CELF1: variants seen among roughly 807,000 people sequenced by gnomAD.
CELF1 encodes CUGBP Elav-like family member 1, also known as 50 kDa nuclear polyadenylated RNA-binding protein.
CELF1 carries 10 observed loss-of-function variants against 61.8 expected under a neutral mutation model. The observed-to-expected ratio is 0.16, with a 90% confidence interval of 0.10 to 0.27. The LOEUF (loss-of-function observed/expected upper bound fraction) is 0.27, where lower values mean the gene tolerates loss of function less well. Ranked by LOEUF, CELF1 falls within the 10% of genes least tolerant of loss-of-function variation. CELF1 has a pLI of 1.00. For synonymous variants in CELF1, 236 were observed against 225.1 expected (o/e 1.05, Z -0.43); for missense variants, 380 against 639.1 (o/e 0.59, Z 4.37).
rs1050603359 is a variant in CELF1, at chr11:47,482,211, T to A, written c.768+484A>T. ...GTGAGTGAGACTCCGTCTCAAAAAA[T>A]AAATAAATAAATAAATAAATAAAGC... On this transcript the variant is annotated intron_variant, in intron 9 of 14. Transcript: ENST00000687097. 6.6e-5 allele frequency among the ~76,000 whole-genome samples: 10 copies of A among 150,666 alleles called. No homozygotes were observed. In the East Asian group the frequency reaches 1.7e-3, roughly 26 times the overall value.
intron 1 of CELF1, among the ~76,000 whole-genome samples, chr11:47,532,994 TAC>T (rs2096527141): frequency 6.6e-6 from 1 of 152,174 alleles, no homozygotes; most frequent in African/African-American, 2.4e-5. Context: ...CAGTGACAGT[TAC>T]ACAGTGACAA....
chr11:47,526,262 G>T (rs12289002), intron 1 of CELF1, among the ~76,000 whole-genome samples: 1 of 152,122 alleles, frequency 6.6e-6, no homozygotes, highest in Non-Finnish European at 1.5e-5. Flanking sequence ...GGAGGTTGCC[G>T]TGAGCCAAGA....
At chr11:47,504,156 C>G (rs1423498604) in intron 1 of CELF1, among the ~76,000 whole-genome samples, 1 of 150,806 alleles carries the variant, frequency 6.6e-6, no homozygotes, top group Admixed American at 6.6e-5. Flanking sequence ...GCCTGGGCAA[C>G]AGAATAAGAC....
At position 47,466,712 on chromosome 11, in the gene CELF1, T is replaced by G. The variant is rs1174539036; in HGVS notation, c.*5518A>C. On this transcript the variant is annotated 3_prime_UTR_variant, in exon 15 of 15. Transcript: ENST00000687097. ...GGAAAAGGAAACAACGTCCAACATT[T>G]GGCATTTGGTTTTATCCACAGGTTT... The G allele has an allele frequency of 2.0e-5, 3 of 152,248 alleles. No individual in the cohort carries two copies. Among genetic ancestry groups the G allele is most frequent in the Non-Finnish European group, 2.9e-5 (2 of 68,042 alleles). 9.4% of individuals were successfully genotyped at this position (152,248 alleles called of 1,614,324 possible).
At chr11:47,505,308 CA>C (rs2094389074) in intron 1 of CELF1, among the ~76,000 whole-genome samples, 1 of 151,220 alleles carries the variant, frequency 6.6e-6, no homozygotes, top group African/African-American at 2.4e-5. Flanking sequence ...TGTAAGTTTA[CA>C]CTTTATTTAA....
Position 47,482,870 on chromosome 11 carries a change from A to G in CELF1, c.607-14T>C, listed in dbSNP as rs774834802. On this transcript the variant is annotated splice_polypyrimidine_tract_variant and intron_variant, in intron 8 of 14. Transcript: ENST00000687097. Reference sequence around the variant, plus strand: ...TGATGAGCAACCCTGTGAAAAGACCATAACGAAAGGGTCAAATTCCTCCAT... The same window carrying G: ...TGATGAGCAACCCTGTGAAAAGACCGTAACGAAAGGGTCAAATTCCTCCAT... The G allele has an allele frequency of 2.2e-5, 36 of 1,606,142 alleles. No homozygotes were observed. Among genetic ancestry groups the G allele is most frequent in the Admixed American group, 3.4e-5 (2 of 58,544 alleles).
rs569742903 is a variant in CELF1, at chr11:47,508,514, G to A, written c.-153-7582C>T. 1.9e-4 allele frequency among the ~76,000 whole-genome samples: 28 copies of A among 150,702 alleles called. No individual in the cohort carries two copies. In the Middle Eastern group the frequency reaches 0.017, roughly 92 times the overall value. On this transcript the variant is annotated intron_variant, in intron 1 of 14. Transcript: ENST00000687097. ...CTGGAGAACATAGCAGCCCTCAGGG[G>A]GCTAGGAACATTTTAACTGCCAGGC...
upstream of CELF1, among the ~76,000 whole-genome samples, chr11:47,555,232 A>G (rs370094296): frequency 6.6e-6 from 1 of 152,364 alleles, no homozygotes; most frequent in East Asian, 1.9e-4. Context: ...AAATAAGGAA[A>G]GGCACCATGC....
At chr11:47,540,564 G>A (rs1365805399) in intron 1 of CELF1, among the ~76,000 whole-genome samples, 1 of 152,104 alleles carries the variant, frequency 6.6e-6, no homozygotes, top group African/African-American at 2.4e-5. Context: ...CGGCCCCCAC[G>A]AGACTCTTGC....
In CELF1 at chr11:47,478,893, G is replaced by C. The variant is rs777659347; in HGVS notation, c.828C>G (p.Ser276Arg). 1 of 1,612,812 alleles carries C rather than the reference G, an allele frequency of 6.2e-7. No homozygotes were observed. The highest frequency in any genetic ancestry group is 8.5e-7 in the Non-Finnish European group (1 of 1,179,452). The change falls in exon 10 of 15, where the codon AGC (serine) becomes AGG (arginine). Residue 276 changes from serine (S) to arginine (R), a missense_variant. Physicochemically the swap from Ser to Arg is moderately radical, Grantham distance 110. Coordinates refer to ENST00000687097, the MANE Select transcript of CELF1 (RefSeq NM_001376376.1). ...ASSGNLNTLSSLHPMGGLNAM... is the reference protein window; with the variant it reads ...ASSGNLNTLSRLHPMGGLNAM... ...AACACTTACCTCCCATTGGGTGGAG[G>C]CTGCTCAGGGTGTTGAGGTTCCCAG...
At chr11:47,549,819 T>C (rs1353954897) in intron 1 of CELF1, among the ~76,000 whole-genome samples, 2 of 134,070 alleles carry the variant, frequency 1.5e-5, no homozygotes, top group East Asian at 4.4e-4. Context: ...GGGTTTTTTT[T>C]GTTTTTTTTT....
chr11:47,473,005 T>C (rs753576920), intron 14 of CELF1, 83 bp downstream of exon 14: 2 of 1,484,220 alleles, frequency 1.3e-6, no homozygotes, highest in Non-Finnish European at 1.8e-6. Flanking sequence ...CAAACTCATA[T>C]TCAGATCTTT....
chr11:47,555,342 C>T (rs2097202782), upstream of CELF1, among the ~76,000 whole-genome samples: 2 of 147,854 alleles, frequency 1.4e-5, no homozygotes, highest in Admixed American at 7.0e-5. Flanking sequence ...TGTTATTCTC[C>T]TAATATCTCC....
intron 1 of CELF1, among the ~76,000 whole-genome samples, chr11:47,547,075 AAAAAAAAAAAAAAAAAAAG>A (rs1266264190): frequency 7.0e-6 from 1 of 143,526 alleles, no homozygotes; most frequent in Non-Finnish European, 1.5e-5. Context: ...CAAAAAAAAA[AAAAAAAAAAAAAAAAAAAG>A]AAAGAAAGAA....
At chr11:47,490,183 G>A (rs148075739) in intron 3 of CELF1, among the ~76,000 whole-genome samples, 2,128 of 151,294 alleles carry the variant, frequency 0.014, 48 homozygotes, top group African/African-American at 0.048. Context: ...TGATCCACCC[G>A]CCTCGGCCTC....
chr11:47,526,823 G>A (rs998018425), intron 1 of CELF1, among the ~76,000 whole-genome samples: 1 of 151,830 alleles, frequency 6.6e-6, no homozygotes, highest in Non-Finnish European at 1.5e-5. Context: ...GCAATCCCAC[G>A]ATGGATCACC....
intron 1 of CELF1, among the ~76,000 whole-genome samples, chr11:47,508,101 T>C (rs1297952139): frequency 1.3e-5 from 2 of 152,178 alleles, no homozygotes; most frequent in East Asian, 3.8e-4. Flanking sequence ...GGCTTCTTGG[T>C]AGGTCTGTCT....
upstream of CELF1, among the ~76,000 whole-genome samples, chr11:47,553,306 A>C (rs1258619424): frequency 6.6e-6 from 1 of 152,000 alleles, no homozygotes; most frequent in Non-Finnish European, 1.5e-5. Flanking sequence ...CGGGCTGGGA[A>C]GTGGAGGAGC....
At chr11:47,546,103 G>C (rs2153743625) in intron 1 of CELF1, among the ~76,000 whole-genome samples, 1 of 151,660 alleles carries the variant, frequency 6.6e-6, no homozygotes, top group African/African-American at 2.4e-5. Flanking sequence ...GTAGAGACGG[G>C]GTTTCACCGT....
Sources: gnomAD v4.1 joint callset for allele counts (sites outside exome capture counted in the v4.1 genomes callset) on GRCh38, gnomAD v4.1.1 for gene constraint, MANE v1.5 for transcripts, NCBI Gene and HGNC (gene_info 2026-07-23, HGNC 2026-07-21) for gene names.